CSMD3: variants seen among roughly 807,000 people sequenced by gnomAD.
CSMD3 encodes CUB and sushi domain-containing protein 3.
A neutral mutation model predicts 435.2 loss-of-function variants in CSMD3; 177 were observed. The observed-to-expected ratio is 0.41, with a 90% CI of 0.36 to 0.46. The LOEUF (loss-of-function observed/expected upper bound fraction) is 0.46, where lower values mean the gene tolerates loss of function less well. Among genes scored for constraint, CSMD3 ranks in the 20% least tolerant of loss-of-function variants. The pLI is 0.34. For missense variants in CSMD3, 4,265 were observed against 4,504.6 expected (o/e 0.95, Z 1.52); for synonymous variants, 1,656 against 1,520.5 (o/e 1.09, Z -2.07).
At position 112,804,439 on chromosome 8, in the gene CSMD3, T is replaced by C. The variant is rs572062313; in HGVS notation, c.1860-4165A>G. Among the ~76,000 whole-genome samples, 15 of 152,118 alleles carry C rather than the reference T, an allele frequency of 9.9e-5. No individual in the cohort carries two copies. In the South Asian group the frequency reaches 1.5e-3, roughly 15 times the overall value. On this transcript the variant is annotated intron_variant, in intron 12 of 70. Transcript: ENST00000297405. Reference sequence around the variant, plus strand: ...AGCAAAGAAAGAAAACAAAACCATATGCCATACTGCGAGAAGCCAGATGTT... The same window carrying C: ...AGCAAAGAAAGAAAACAAAACCATACGCCATACTGCGAGAAGCCAGATGTT...
At chr8:112,380,558 T>C (rs1034113622) in intron 37 of CSMD3, 102 bp from the exon 38 acceptor site, 3 of 703,772 alleles carry the variant, frequency 4.3e-6, no homozygotes, top group Non-Finnish European at 7.7e-6. Flanking sequence ...ACTAAAAATA[T>C]GCATTATTCA....
intron 3 of CSMD3, among the ~76,000 whole-genome samples, chr8:113,264,912 G>T (rs1199268938): frequency 6.6e-6 from 1 of 151,376 alleles, no homozygotes; most frequent in Non-Finnish European, 1.5e-5. Flanking sequence ...TTTGTTAGAT[G>T]GTCTGTATAT....
intron 3 of CSMD3, among the ~76,000 whole-genome samples, chr8:113,190,136 AAAT>A (rs2092563433): frequency 6.6e-6 from 1 of 151,866 alleles, no homozygotes; most frequent in East Asian, 1.9e-4. Context: ...TGCACCAACC[AAAT>A]AATACTATCT....
chr8:112,454,911 T>C (rs773165537), intron 32 of CSMD3, among the ~76,000 whole-genome samples: 17 of 151,944 alleles, frequency 1.1e-4, no homozygotes, highest in African/African-American at 4.1e-4. Flanking sequence ...ACGACTGTGG[T>C]CTCAGCTACT....
intron 6 of CSMD3, among the ~76,000 whole-genome samples, chr8:113,000,265 T>C (rs2085813151): frequency 1.3e-5 from 2 of 152,016 alleles, no homozygotes; most frequent in African/African-American, 4.8e-5. Context: ...CCACAAATCA[T>C]AGGGGTGAAA....
intron 1 of CSMD3, among the ~76,000 whole-genome samples, chr8:113,428,999 A>G (rs2094653498): frequency 6.6e-6 from 1 of 151,810 alleles, no homozygotes; most frequent in Non-Finnish European, 1.5e-5. Flanking sequence ...AATCTTAAAC[A>G]TTATGAACTT....
chr8:112,617,768 C>A (rs1215202246), intron 22 of CSMD3, among the ~76,000 whole-genome samples: 1 of 152,114 alleles, frequency 6.6e-6, no homozygotes, highest in East Asian at 1.9e-4. Flanking sequence ...TAATTACTTT[C>A]TATTCCAAGC....
intron 31 of CSMD3, among the ~76,000 whole-genome samples, chr8:112,488,041 A>G (rs966071115): frequency 6.6e-6 from 1 of 152,192 alleles, no homozygotes; most frequent in Non-Finnish European, 1.5e-5. Context: ...ATTATTTAAT[A>G]TATATGACAA....
At chr8:112,436,675 TACA>T (rs943880186) in intron 32 of CSMD3, among the ~76,000 whole-genome samples, 21 of 151,950 alleles carry the variant, frequency 1.4e-4, no homozygotes, top group African/African-American at 4.1e-4. Context: ...GATATGCATA[TACA>T]ACAACTGTGT....
intron 3 of CSMD3, among the ~76,000 whole-genome samples, chr8:113,264,033 T>C (rs867929529): frequency 6.6e-6 from 1 of 151,408 alleles, no homozygotes; most frequent in East Asian, 1.9e-4. Flanking sequence ...TAAAATGATA[T>C]AGTAAAAAGA....
At chr8:113,297,212 A>T (rs2093729347) in intron 2 of CSMD3, among the ~76,000 whole-genome samples, 1 of 152,134 alleles carries the variant, frequency 6.6e-6, no homozygotes, top group South Asian at 2.1e-4. Flanking sequence ...AATATAGATA[A>T]GATACTCTAT....
At chr8:113,300,687 G>A (rs1489441083) in intron 2 of CSMD3, among the ~76,000 whole-genome samples, 1 of 152,020 alleles carries the variant, frequency 6.6e-6, no homozygotes, top group African/African-American at 2.4e-5. Context: ...GGAACTACTA[G>A]ATAGGGGAAG....
Position 112,406,731 on chromosome 8 carries a change from T to C in CSMD3, c.5606-4A>G. ...GTAGAACTTGTTCTAGGAACAGCTG[T>C]GTAGAAATATTATATTTATTTTAAT... On this transcript the variant is annotated splice_polypyrimidine_tract_variant and splice_region_variant and intron_variant, in intron 34 of 70. Coordinates refer to ENST00000297405, the MANE Select transcript of CSMD3 (RefSeq NM_198123.2). The C allele has an allele frequency of 6.4e-7, 1 of 1,550,694 alleles. No homozygotes were observed. Among genetic ancestry groups the C allele is most frequent in the Non-Finnish European group, 8.8e-7 (1 of 1,132,600 alleles).
intron 27 of CSMD3, among the ~76,000 whole-genome samples, chr8:112,543,181 T>C (rs1202753643): frequency 6.6e-6 from 1 of 151,900 alleles, no homozygotes; most frequent in East Asian, 1.9e-4. Flanking sequence ...GAAAGCTTTA[T>C]AACGTTGGTA....
intron 70 of CSMD3, 72 bp downstream of exon 70, chr8:112,228,684 A>G: frequency 1.4e-6 from 2 of 1,471,626 alleles, no homozygotes; most frequent in Non-Finnish European, 9.5e-7. Context: ...TTAAGATTTG[A>G]GCTAGAGCAG....
rs576743399 is a variant in CSMD3 at position 112,710,675 on chromosome 8, G to A, written c.1973-20625C>T. ...ATGTAGTGGCCCAAGTGTGAAGGGA[G>A]GCAAAGTCTAAAAAATCTCTTACTT... On this transcript the variant is annotated intron_variant, in intron 13 of 70. Coordinates refer to ENST00000297405, the MANE Select transcript of CSMD3 (RefSeq NM_198123.2). 6.6e-5 allele frequency among the ~76,000 whole-genome samples: 10 copies of A among 151,442 alleles called. No homozygotes were observed. In the East Asian group the frequency reaches 9.7e-4, roughly 15 times the overall value.
intron 2 of CSMD3, among the ~76,000 whole-genome samples, chr8:113,284,003 A>G (rs548428041): frequency 2.0e-3 from 307 of 152,268 alleles, no homozygotes; most frequent in Admixed American, 3.8e-3. Flanking sequence ...AACCAACATC[A>G]TGTAGTCTCA....
chr8:112,586,911 G>A (rs1280159165), intron 23 of CSMD3, among the ~76,000 whole-genome samples, 155 bp downstream of exon 23: 1 of 151,420 alleles, frequency 6.6e-6, no homozygotes, highest in South Asian at 2.1e-4. Context: ...TAGAAAATGA[G>A]AATTAATGTA....
intron 4 of CSMD3, among the ~76,000 whole-genome samples, chr8:113,127,106 T>A (rs1212256591): frequency 6.6e-6 from 1 of 152,042 alleles, no homozygotes; most frequent in Non-Finnish European, 1.5e-5. Flanking sequence ...ACAAATGAAC[T>A]CTTTGAGGGC....
Sources: allele counts gnomAD v4.1 joint callset (sites outside exome capture counted in the v4.1 genomes callset), GRCh38; gene constraint gnomAD v4.1.1; transcripts MANE v1.5; gene names NCBI Gene and HGNC (gene_info 2026-07-23, HGNC 2026-07-21).